The following WDR27 variants were observed in gnomAD, a reference collection of about 807,000 sequenced individuals.
WDR27 encodes WD repeat domain 27, also known as WD repeat-containing protein 27.
Under a neutral mutation model 114.4 loss-of-function variants are expected in WDR27, and 100 were observed. The ratio of observed to expected loss-of-function variants is 0.87; its 90% confidence interval spans 0.74 to 1.03. The LOEUF is 1.03. Among genes scored for constraint, WDR27 ranks in the 50% least tolerant of loss-of-function variants. The pLI is 0.00. For synonymous variants in WDR27, 449 were observed against 423.1 expected, an observed-to-expected ratio of 1.06 and a Z score of -0.75; for missense variants, 1,129 against 1,092.9, an observed-to-expected ratio of 1.03 and a Z score of -0.47.
chr6:169,577,935 G>A (rs943741016), intron 24 of WDR27, among the ~76,000 whole-genome samples: 1 of 152,162 alleles, frequency 6.6e-6, no homozygotes. Flanking sequence ...CTTGCAGACA[G>A]CAGATCTTGA....
chr6:169,525,562 A>G (rs1794877359), intron 25 of WDR27, among the ~76,000 whole-genome samples: 1 of 151,928 alleles, frequency 6.6e-6, no homozygotes, highest in Non-Finnish European at 1.5e-5. Flanking sequence ...AAAAAGAAAA[A>G]AAAAGCTTTT....
At chr6:169,575,427 C>T (rs7753561) in intron 24 of WDR27, among the ~76,000 whole-genome samples, 17,679 of 65,936 alleles carry the variant, frequency 0.27, 3,003 homozygotes, top group African/African-American at 0.4. Flanking sequence ...CATCCATCCA[C>T]CCACCATCAC....
chr6:169,577,684 G>A lies in WDR27; in HGVS notation c.2524-5144C>T, dbSNP rs576107726. Among the ~76,000 whole-genome samples the A allele has an allele frequency of 1.4e-4, 21 of 152,328 alleles. No homozygotes were observed. In the South Asian group the frequency reaches 2.3e-3, roughly 17 times the overall value. The stretch of plus-strand genomic sequence containing the variant: ...ACCACGGAACTGCAGTCGGGAAACC[G>A]GCCTTTTCCTCCGCGGCCCATGGGA... On this transcript the variant is annotated intron_variant, in intron 24 of 25. Coordinates refer to ENST00000448612, the MANE Select transcript of WDR27 (RefSeq NM_182552.5).
At chr6:169,603,875 C>G (rs1808570679) in intron 22 of WDR27, among the ~76,000 whole-genome samples, 2 of 152,170 alleles carry the variant, frequency 1.3e-5, no homozygotes, top group Non-Finnish European at 2.9e-5. Flanking sequence ...TGTAATTGGA[C>G]TGGGTTCAGG....
intron 13 of WDR27, among the ~76,000 whole-genome samples, chr6:169,652,683 C>A (rs1822929628): frequency 6.6e-6 from 1 of 152,192 alleles, no homozygotes; most frequent in South Asian, 2.1e-4. Context: ...TGAAACATAT[C>A]CATTAATTTT....
At chr6:169,674,521 C>A (rs910909479) in intron 2 of WDR27, among the ~76,000 whole-genome samples, 3 of 151,786 alleles carry the variant, frequency 2.0e-5, no homozygotes, top group African/African-American at 4.8e-5. Flanking sequence ...GCAATAGAAG[C>A]TATATAAAAA....
chr6:169,454,212 G>A (rs947108919), downstream of WDR27, among the ~76,000 whole-genome samples: 1 of 152,192 alleles, frequency 6.6e-6, no homozygotes, highest in Non-Finnish European at 1.5e-5. Context: ...AAACATATTT[G>A]TGTGAGCTAT....
chr6:169,534,359 G>C (rs1795977429), intron 25 of WDR27, among the ~76,000 whole-genome samples: 1 of 152,054 alleles, frequency 6.6e-6, no homozygotes, highest in Non-Finnish European at 1.5e-5. Flanking sequence ...TAATTTTTTT[G>C]ATGTTTTTAA....
At chr6:169,648,931 C>T (rs951035008) in intron 15 of WDR27, among the ~76,000 whole-genome samples, 4 of 152,196 alleles carry the variant, frequency 2.6e-5, no homozygotes, top group Non-Finnish European at 5.9e-5. Context: ...GCATCGGCTA[C>T]GGCATTTTCT....
At chr6:169,477,467 C>G (rs1787339849) in intron 25 of WDR27, among the ~76,000 whole-genome samples, 1 of 152,138 alleles carries the variant, frequency 6.6e-6, no homozygotes, top group Non-Finnish European at 1.5e-5. Flanking sequence ...GAGACAGAGT[C>G]TGGCTCTGTT....
chr6:169,473,339 G>C (rs73789960), intron 25 of WDR27, among the ~76,000 whole-genome samples: 2,664 of 152,172 alleles, frequency 0.018, 81 homozygotes, highest in African/African-American at 0.061. Flanking sequence ...GCTCAGTTTC[G>C]GTTTCCTGTG....
chr6:169,570,140 C>T (rs1277387679), intron 25 of WDR27, among the ~76,000 whole-genome samples: 2 of 152,160 alleles, frequency 1.3e-5, no homozygotes, highest in African/African-American at 4.8e-5. Context: ...ATCTCTTGCG[C>T]TTGATGCTGG....
chr6:169,660,169 G>GTGGGGGGATGAGA, intron 10 of WDR27, among the ~76,000 whole-genome samples: 1 of 148,982 alleles, frequency 6.7e-6, no homozygotes, highest in Admixed American at 6.7e-5. Context: ...GTTAGGAGGG[G>GTGGGGGGATGAGA]TGGGGGGATG....
chr6:169,573,489 G>A (rs1156454032), intron 24 of WDR27, among the ~76,000 whole-genome samples: 16 of 152,148 alleles, frequency 1.1e-4, no homozygotes, highest in Admixed American at 1.0e-3. Flanking sequence ...GTGAAACCCA[G>A]GCAAATGGAG....
chr6:169,667,152 A>G lies in WDR27; in HGVS notation c.696T>C (p.Ser232=). ...TAAATTTACCTGATAACACAGATGA[A>G]CTGTATATTAATGATCCTGTACAAT... ...WDHCTGSLIY[S]SSVLSAYPLL... is the part of the protein sequence containing the mutation. Residue 232 remains serine (S), a synonymous_variant, in exon 6 of 26, where the codon AGT becomes AGC. Transcript: ENST00000448612. 6.5e-7 allele frequency: 1 copy of G among 1,530,418 alleles called. No homozygotes were observed. Among genetic ancestry groups the G allele is most frequent in the South Asian group, 1.3e-5 (1 of 76,286 alleles). The allele number at this position is 1,530,418 out of a possible 1,614,324, so 94.8% of individuals were successfully genotyped here. A position where few individuals can be genotyped will look rare whatever the true frequency, so the allele number is the denominator to read the frequency against.
chr6:169,685,759 G>C (rs1782763445), intron 2 of WDR27, among the ~76,000 whole-genome samples: 1 of 152,168 alleles, frequency 6.6e-6, no homozygotes, highest in Non-Finnish European at 1.5e-5. Flanking sequence ...AGCAGAAGAA[G>C]ATAAGGGAGA....
chr6:169,432,437 A>T, the WDR27 span, among the ~76,000 whole-genome samples: 1 of 152,162 alleles, frequency 6.6e-6, no homozygotes, highest in Non-Finnish European at 1.5e-5. Flanking sequence ...AGCTCCCATA[A>T]TTCCCATATG....
At chr6:169,655,877 C>T (rs532906011) in intron 13 of WDR27, among the ~76,000 whole-genome samples, 19 of 152,266 alleles carry the variant, frequency 1.2e-4, no homozygotes, top group Admixed American at 5.9e-4. Context: ...CCGCCAACCA[C>T]GCCCAGCTAA....
chr6:169,430,573 G>A, the WDR27 span, among the ~76,000 whole-genome samples: 1 of 152,174 alleles, frequency 6.6e-6, no homozygotes, highest in African/African-American at 2.4e-5. Context: ...AAGTTCAAAT[G>A]GAAAGCTGTA....
Sources: allele counts gnomAD v4.1 joint callset (sites outside exome capture counted in the v4.1 genomes callset), GRCh38; gene constraint gnomAD v4.1.1; transcripts MANE v1.5; gene names NCBI Gene and HGNC (gene_info 2026-07-23, HGNC 2026-07-21).